SSX7: variants seen among roughly 807,000 people sequenced by gnomAD.
The protein encoded by SSX7 is protein SSX7.
Under a neutral mutation model 14.7 loss-of-function variants are expected in SSX7, and 15 were observed. The observed-to-expected ratio is 1.02, with a 90% CI of 0.68 to 1.58. The LOEUF (loss-of-function observed/expected upper bound fraction) is 1.58, where lower values mean the gene tolerates loss of function less well. SSX7 is among the 40% of genes most tolerant of loss of function. The pLI is 0.00. For missense variants in SSX7, 178 were observed against 146.8 expected (o/e 1.21, Z -1.10); for synonymous variants, 46 against 50.6 (o/e 0.91, Z 0.38).
chrX:52,648,902 A>G (rs1925336931), intron 5 of SSX7, among the ~76,000 whole-genome samples: 1 of 111,859 alleles, frequency 8.9e-6, no homozygotes, highest in East Asian at 2.8e-4. Context: ...GCAGCGAAGA[A>G]AGCAGTACCA....
At chrX:52,650,634 C>G (rs1186724407) in intron 4 of SSX7, among the ~76,000 whole-genome samples, 1 of 112,411 alleles carries the variant, frequency 8.9e-6, no homozygotes, top group Non-Finnish European at 1.9e-5. Flanking sequence ...AACCCCATCA[C>G]AGTCTCATCT....
intron 4 of SSX7, 57 bp from the exon 5 acceptor site, chrX:52,650,459 G>A: frequency 8.9e-7 from 1 of 1,117,531 alleles, no homozygotes; most frequent in East Asian, 3.0e-5. Flanking sequence ...AAACTCTAGA[G>A]ACTTCTGTAG....
At position 52,652,317 on chromosome X, in the gene SSX7, T is replaced by G; in HGVS notation, c.215A>C (p.His72Pro). 8.3e-7 allele frequency: 1 copy of G among 1,208,915 alleles called. No individual in the cohort carries two copies. The highest frequency in any genetic ancestry group is 1.1e-6 in the Non-Finnish European group (1 of 893,809). Reference protein sequence around the residue: ...GFKATLPPFMHNTGATDLQGN... With the variant: ...GFKATLPPFMPNTGATDLQGN... ...CTGGAGGTCTGTGGCCCCTGTATTATGCATGAAAGGTGGGAGGGTGGCCTT... is the reference window on the plus strand; with the variant it reads ...CTGGAGGTCTGTGGCCCCTGTATTAGGCATGAAAGGTGGGAGGGTGGCCTT... The change falls in exon 4 of 8, where the codon CAT (histidine) becomes CCT (proline). Residue 72 changes from histidine to proline, a missense_variant. Transcript: ENST00000298181.
rs1261128853 is a variant in SSX7 at position 52,644,502 on chromosome X, C to A, written c.*173G>T. ...TAAGAAAATACAATGGAAACACTAA[C>A]ATCGAACTCTTGTCACACTAAGAAA... On this transcript the variant is annotated 3_prime_UTR_variant, in exon 8 of 8. Coordinates refer to ENST00000298181, the MANE Select transcript of SSX7 (RefSeq NM_173358.2). 7.5e-5 allele frequency: 56 copies of A among 747,186 alleles called. No homozygotes were observed. Among genetic ancestry groups the A allele is most frequent in the Non-Finnish European group, 1.1e-4 (55 of 506,430 alleles). 61.6% of individuals were successfully genotyped at this position (747,186 alleles called of 1,213,427 possible).
Position 52,648,244 on chromosome X carries a change from G to A in SSX7, c.466+17C>T, listed in dbSNP as rs199704889. Reference sequence around the variant, plus strand: ...CACGGAAGCCAGAGGGTTTGTTCCCGAATTCTTTCCTCTTACCGGATGTCT... The same window carrying A: ...CACGGAAGCCAGAGGGTTTGTTCCCAAATTCTTTCCTCTTACCGGATGTCT... On this transcript the variant is annotated intron_variant, in intron 6 of 7. Transcript: ENST00000298181. The A allele has an allele frequency of 9.1e-6, 11 of 1,204,695 alleles. No homozygotes were observed. The highest frequency in any genetic ancestry group is 5.3e-5 in the African/African-American group (3 of 57,031).
At chrX:52,646,062 T>A (rs1260795332) in intron 6 of SSX7, among the ~76,000 whole-genome samples, 2 of 111,031 alleles carry the variant, frequency 1.8e-5, no homozygotes, top group African/African-American at 6.6e-5. Context: ...TTTTAATTTT[T>A]ATTTTATTTT....
At position 52,645,143 on chromosome X, in the gene SSX7, C is replaced by T. The variant is rs1213692353; in HGVS notation, c.*4+296G>A. The stretch of plus-strand genomic sequence containing the variant: ...AAAATTACCCGGGCGTGGTGGCGGG[C>T]ACTTGTAGTCCCAGCTACTGGAGAG... On this transcript the variant is annotated intron_variant, in intron 7 of 7. Coordinates refer to ENST00000298181, the MANE Select transcript of SSX7 (RefSeq NM_173358.2). Among the ~76,000 whole-genome samples the T allele has an allele frequency of 5.4e-5, 6 of 110,310 alleles. No individual in the cohort carries two copies. The East Asian group carries it at 1.4e-3, about 26-fold the overall frequency.
chrX:52,645,446 C>T lies in SSX7; in HGVS notation c.564G>A (p.Glu188=). 8.5e-7 allele frequency: 1 copy of T among 1,180,156 alleles called. No individual in the cohort carries two copies. Among genetic ancestry groups the T allele is most frequent in the Non-Finnish European group, 1.1e-6 (1 of 873,633 alleles). ...AGCCGAAGGTTCACTTACGGAGTTACTCGTCGTCTTCTTCAGGGTCGCTGA... is the reference window on the plus strand; with the variant it reads ...AGCCGAAGGTTCACTTACGGAGTTATTCGTCGTCTTCTTCAGGGTCGCTGA... ...EEISDPEEDD[E] Residue 188 remains glutamate (E), a synonymous_variant, in exon 7 of 8, where the codon GAG becomes GAA. Transcript: ENST00000298181.
Position 52,645,529 on chromosome X carries a change from T to C in SSX7, c.481A>G (p.Lys161Glu), listed in dbSNP as rs782548544. 7.4e-5 allele frequency: 88 copies of C among 1,197,245 alleles called. No individual in the cohort carries two copies. Among genetic ancestry groups the C allele is most frequent in the Non-Finnish European group, 9.6e-5 (85 of 889,281 alleles). The change falls in exon 7 of 8, where the codon AAA (lysine) becomes GAA (glutamate). Residue 161 changes from lysine to glutamate, a missense_variant. Transcript: ENST00000298181. ...CGCAGTCTGTGGGTCCAGGCATGTT[T>C]CCCCCTTTTGGGTCCTGTGATGGAG... ...INKTSGPKRG[K>E]HAWTHRLRER...
At chrX:52,647,338 T>G (rs868985889) in intron 6 of SSX7, among the ~76,000 whole-genome samples, 9 of 112,586 alleles carry the variant, frequency 8.0e-5, no homozygotes, top group East Asian at 5.5e-4. Flanking sequence ...GTGGCTACAC[T>G]AAACAACAGA....
chrX:52,653,052 C>T (rs1925493333), intron 2 of SSX7, 68 bp from the exon 3 acceptor site: 2 of 1,181,570 alleles, frequency 1.7e-6, no homozygotes, highest in African/African-American at 1.8e-5. Context: ...CAGCTGGAGC[C>T]CCTTCCTGTG....
intron 6 of SSX7, among the ~76,000 whole-genome samples, chrX:52,647,072 T>G (rs1447556787): frequency 8.9e-6 from 1 of 112,532 alleles, no homozygotes; most frequent in Non-Finnish European, 1.9e-5. Flanking sequence ...GGTCAGGATA[T>G]TTGATGAAAC....
chrX:52,648,477 G>T, intron 5 of SSX7, 81 bp from the exon 6 acceptor site: 2 of 1,150,587 alleles, frequency 1.7e-6, no homozygotes, highest in South Asian at 3.9e-5. Flanking sequence ...GTCTTCACAT[G>T]CATTACCTTA....
At chrX:52,648,235 T>G (rs782561462) in intron 6 of SSX7, 26 bp downstream of exon 6, 1 of 1,200,399 alleles carries the variant, frequency 8.3e-7, no homozygotes, top group African/African-American at 1.8e-5. Context: ...AGCCAGAGGG[T>G]TTGTTCCCGA....
intron 5 of SSX7, among the ~76,000 whole-genome samples, chrX:52,649,775 G>T (rs1235564121): frequency 2.7e-5 from 3 of 112,513 alleles, no homozygotes; most frequent in Non-Finnish European, 5.6e-5. Context: ...AGGCCCTATG[G>T]GGTGAAGCCC....
chrX:52,653,347 T>C, intron 2 of SSX7, 57 bp downstream of exon 2: 2 of 1,210,170 alleles, frequency 1.7e-6, no homozygotes, highest in Non-Finnish European at 2.2e-6. Context: ...CCTCAGAAAC[T>C]TGGCCACCCC....
intron 4 of SSX7, 83 bp downstream of exon 4, chrX:52,652,169 G>T: frequency 2.4e-6 from 2 of 822,416 alleles, no homozygotes; most frequent in Non-Finnish European, 3.6e-6. Context: ...GGGAACAAAT[G>T]CCTGAGGATC....
Position 52,644,630 on chromosome X carries a change from C to A in SSX7, c.*45G>T. On this transcript the variant is annotated 3_prime_UTR_variant, in exon 8 of 8. Coordinates refer to ENST00000298181, the MANE Select transcript of SSX7 (RefSeq NM_173358.2). ...TGCCCATGTTCGTGAAAGGTCACCA[C>A]GTTCTGCTTCTCATCATGGGCATAT... is the stretch of plus-strand genomic sequence containing the variant. 3 of 1,196,131 alleles carry A rather than the reference C, an allele frequency of 2.5e-6. No individual in the cohort carries two copies. Among genetic ancestry groups the A allele is most frequent in the Non-Finnish European group, 3.4e-6 (3 of 893,805 alleles).
intron 7 of SSX7, among the ~76,000 whole-genome samples, 195 bp from the exon 8 acceptor site, chrX:52,644,865 A>C (rs1601972467): frequency 9.0e-6 from 1 of 111,377 alleles, no homozygotes; most frequent in East Asian, 2.8e-4. Flanking sequence ...TGGGTTATCC[A>C]TTCCTAGGCT....
Sources: gnomAD v4.1 joint callset for allele counts (sites outside exome capture counted in the v4.1 genomes callset) on GRCh38, gnomAD v4.1.1 for gene constraint, MANE v1.5 for transcripts, NCBI Gene and HGNC (gene_info 2026-07-23, HGNC 2026-07-21) for gene names.